Variants in THAP1 observed in about 807,000 individuals in gnomAD.
THAP1 encodes THAP domain-containing protein 1.
THAP1 carries 6 observed loss-of-function variants against 18.2 expected under a neutral mutation model. The ratio of observed to expected loss-of-function variants is 0.33; its 90% CI spans 0.18 to 0.65. The LOEUF (loss-of-function observed/expected upper bound fraction) is 0.65. THAP1 is among the 30% of genes least tolerant of loss of function. The probability of loss-of-function intolerance (pLI) is 0.74; values close to 1 mark genes in which losing one functional copy is unlikely to be tolerated. For synonymous variants in THAP1, 85 were observed against 90.5 expected (o/e 0.94, Z 0.34); for missense variants, 176 against 253.0 (o/e 0.70, Z 2.06).
At chr8:42,842,977 C>T in intron 1 of THAP1, 47 bp downstream of exon 1, 1 of 1,523,398 alleles carries the variant, frequency 6.6e-7, no homozygotes, top group Non-Finnish European at 8.8e-7. Context: ...GGCCGCGCGC[C>T]CCCACCCCGG....
In THAP1 at chr8:42,837,377, G is replaced by A. The variant is rs1802633061; in HGVS notation, c.*585C>T. 6.6e-6 allele frequency: 1 copy of A among 151,830 alleles called. No homozygotes were observed. The highest frequency in any genetic ancestry group is 1.5e-5 in the Non-Finnish European group (1 of 68,040). The allele number at this position is 151,830 out of a possible 1,614,324, so 9.4% of individuals were successfully genotyped here. ...TGAAGTTATTGATCAGATATGCAAT[G>A]ACTTTTTTCTGCTGTGATGATAATC... On this transcript the variant is annotated 3_prime_UTR_variant, in exon 3 of 3. Transcript: ENST00000254250.
chr8:42,838,417 G>A lies in THAP1; in HGVS notation c.268-81C>T, dbSNP rs1306652974. 21 of 1,561,318 alleles carry A rather than the reference G, an allele frequency of 1.3e-5. No individual in the cohort carries two copies. In the East Asian group the frequency reaches 3.8e-4, roughly 28 times the overall value. On this transcript the variant is annotated intron_variant, in intron 2 of 2. Coordinates refer to ENST00000254250, the MANE Select transcript of THAP1 (RefSeq NM_018105.3). ...AATCTGTGGACTGACCAGGCGCAGT[G>A]GCTCATGCCTATAATCCTAGTACTT...
rs764467954 is a variant in THAP1, at chr8:42,843,012, C to G, written c.71+12G>C. 2 of 1,609,574 alleles carry G rather than the reference C, an allele frequency of 1.2e-6. No homozygotes were observed. Among genetic ancestry groups the G allele is most frequent in the Non-Finnish European group, 1.7e-6 (2 of 1,177,582 alleles). ...GCTGAGACCGGCCCCGCGAGGCGCG[C>G]AGGGTCCTCACTTGTGGAAAGAAAC... On this transcript the variant is annotated intron_variant, in intron 1 of 2. Coordinates refer to ENST00000254250, the MANE Select transcript of THAP1 (RefSeq NM_018105.3).
At chr8:42,839,048 C>G in intron 2 of THAP1, 138 bp downstream of exon 2, 4 of 892,274 alleles carry the variant, frequency 4.5e-6, no homozygotes, top group Non-Finnish European at 7.1e-6. Context: ...TTTGTGTTTT[C>G]AGAAGTGTAT....
At position 42,837,891 on chromosome 8, in the gene THAP1, G is replaced by T; in HGVS notation, c.*71C>A. ...GTAATCAAATGTTATTTTTTTAAAT[G>T]AAACTCCTTTACAGGCTAGAGGAGG... is the stretch of plus-strand genomic sequence containing the variant. On this transcript the variant is annotated 3_prime_UTR_variant, in exon 3 of 3. Transcript: ENST00000254250. The T allele has an allele frequency of 6.6e-7, 1 of 1,512,434 alleles. No individual in the cohort carries two copies. Among genetic ancestry groups the T allele is most frequent in the Non-Finnish European group, 8.9e-7 (1 of 1,126,628 alleles). 93.7% of individuals were successfully genotyped at this position (1,512,434 alleles called of 1,614,324 possible).
chr8:42,842,964 G>C, intron 1 of THAP1, 60 bp downstream of exon 1: 1 of 1,073,986 alleles, frequency 9.3e-7, no homozygotes, highest in Non-Finnish European at 1.2e-6. Context: ...CCCCGGCCCC[G>C]CCGGCCGCGC....
intron 2 of THAP1, among the ~76,000 whole-genome samples, chr8:42,838,889 A>G (rs1169778161): frequency 1.3e-5 from 2 of 152,150 alleles, no homozygotes; most frequent in African/African-American, 2.4e-5. Flanking sequence ...CACTGAGGAG[A>G]AAAAAATGCT....
At chr8:42,842,383 TAATA>T (rs1802735871) in intron 1 of THAP1, 3 of 152,330 alleles carry the variant, frequency 2.0e-5, no homozygotes, top group South Asian at 2.1e-4. Flanking sequence ...GGTAATGCCA[TAATA>T]AATAAAGATC....
rs1802759534 is a variant in THAP1 at position 42,843,123 on chromosome 8, G to A, written c.-29C>T. On this transcript the variant is annotated 5_prime_UTR_variant, in exon 1 of 3. Coordinates refer to ENST00000254250, the MANE Select transcript of THAP1 (RefSeq NM_018105.3). ...TCCGGTCCTCAGGCACTTCACTTCTGCCGCCGCAGAAGGCAGGGGAAGCTG... is the reference window on the plus strand; with the variant it reads ...TCCGGTCCTCAGGCACTTCACTTCTACCGCCGCAGAAGGCAGGGGAAGCTG... 1 of 1,612,806 alleles carries A rather than the reference G, an allele frequency of 6.2e-7. No individual in the cohort carries two copies. Among genetic ancestry groups the A allele is most frequent in the South Asian group, 1.1e-5 (1 of 91,064 alleles).
rs994298560 is a variant in THAP1 at position 42,836,816 on chromosome 8, G to A, written c.*1146C>T. 6.6e-6 allele frequency: 1 copy of A among 152,436 alleles called. No individual in the cohort carries two copies. The highest frequency in any genetic ancestry group is 1.5e-5 in the Non-Finnish European group (1 of 68,024). The allele number at this position is 152,436 out of a possible 1,614,324, so 9.4% of individuals were successfully genotyped here. A position where few individuals can be genotyped will look rare whatever the true frequency, so the allele number is the denominator to read the frequency against. On this transcript the variant is annotated 3_prime_UTR_variant, in exon 3 of 3. Coordinates refer to ENST00000254250, the MANE Select transcript of THAP1 (RefSeq NM_018105.3). ...AAAGATAACTCCCATAGCAATATTT[G>A]TTTACTCAGAACATATTTTCACTTC...
chr8:42,841,799 T>C (rs1563645692), intron 1 of THAP1, among the ~76,000 whole-genome samples: 1 of 152,156 alleles, frequency 6.6e-6, no homozygotes, highest in Non-Finnish European at 1.5e-5. Flanking sequence ...AGAGATAATA[T>C]TAGGATATCC....
intron 1 of THAP1, among the ~76,000 whole-genome samples, chr8:42,842,074 T>TA (rs1802728936): frequency 1.3e-5 from 2 of 152,254 alleles, no homozygotes; most frequent in African/African-American, 4.8e-5. Context: ...TACCTATGGC[T>TA]AATCTGTATA....
intron 1 of THAP1, among the ~76,000 whole-genome samples, chr8:42,840,162 T>A (rs1479924784): frequency 2.0e-5 from 3 of 152,008 alleles, no homozygotes; most frequent in Non-Finnish European, 2.9e-5. Context: ...TCCACTGCAC[T>A]CCAGCCTGGG....
Position 42,843,168 on chromosome 8 carries a change from C to G in THAP1, c.-74G>C, listed in dbSNP as rs540766244. 1.3e-6 allele frequency: 2 copies of G among 1,573,820 alleles called. No homozygotes were observed. The highest frequency in any genetic ancestry group is 2.3e-5 in the East Asian group (1 of 44,296). Reference sequence around the variant, plus strand: ...AAGCTGTTCTCAGTGTCGCTGCGCTCGGTTGGATTCCCTCGCTTCTTTTGT... The same window carrying G: ...AAGCTGTTCTCAGTGTCGCTGCGCTGGGTTGGATTCCCTCGCTTCTTTTGT... On this transcript the variant is annotated 5_prime_UTR_variant, in exon 1 of 3. Coordinates refer to ENST00000254250, the MANE Select transcript of THAP1 (RefSeq NM_018105.3).
intron 1 of THAP1, among the ~76,000 whole-genome samples, chr8:42,840,745 GA>G: frequency 6.6e-6 from 1 of 152,238 alleles, no homozygotes; most frequent in East Asian, 1.9e-4. Flanking sequence ...GAGGAGGGCG[GA>G]TCAGGAGGTC....
rs1209115377 is a variant in THAP1 at position 42,837,922 on chromosome 8, T to C, written c.*40A>G. On this transcript the variant is annotated 3_prime_UTR_variant, in exon 3 of 3. Transcript: ENST00000254250. ...CCTTTACAGGCTAGAGGAGGATATGTGGTATTGCCCCATTAGAAATCAATA... is the reference window on the plus strand; with the variant it reads ...CCTTTACAGGCTAGAGGAGGATATGCGGTATTGCCCCATTAGAAATCAATA... The C allele has an allele frequency of 6.2e-7, 1 of 1,603,136 alleles. No homozygotes were observed. The highest frequency in any genetic ancestry group is 2.2e-5 in the East Asian group (1 of 44,874).
chr8:42,841,517 G>T (rs1230780811), intron 1 of THAP1, among the ~76,000 whole-genome samples: 2 of 152,050 alleles, frequency 1.3e-5, no homozygotes, highest in African/African-American at 4.8e-5. Context: ...TCGAACTCCT[G>T]ACGTCAGGTG....
chr8:42,839,294 A>G lies in THAP1; in HGVS notation c.159T>C (p.Ile53=), dbSNP rs1355485198. The G allele has an allele frequency of 6.2e-7, 1 of 1,613,986 alleles. No homozygotes were observed. The highest frequency in any genetic ancestry group is 8.5e-7 in the Non-Finnish European group (1 of 1,180,012). Residue 53 remains isoleucine, a synonymous_variant, in exon 2 of 3, where the codon ATT becomes ATC. Coordinates refer to ENST00000254250, the MANE Select transcript of THAP1 (RefSeq NM_018105.3). ...AGTCTGGAGTAAAGTGCTCTGAACA[A>G]ATACTGCTATACTTGGTGGGTTTAA... ...KNFKPTKYSS[I]CSEHFTPDCF...
intron 2 of THAP1, 104 bp downstream of exon 2, chr8:42,839,082 G>T: frequency 1.6e-6 from 2 of 1,238,238 alleles, no homozygotes; most frequent in Non-Finnish European, 1.2e-6. Context: ...AAGGTTCCAG[G>T]CACATTTATT....
Sources: allele counts gnomAD v4.1 joint callset (sites outside exome capture counted in the v4.1 genomes callset), GRCh38; gene constraint gnomAD v4.1.1; transcripts MANE v1.5; gene names NCBI Gene and HGNC (gene_info 2026-07-23, HGNC 2026-07-21).